TRHDE: variants seen among roughly 807,000 people sequenced by gnomAD.
TRHDE encodes the protein thyrotropin-releasing hormone-degrading ectoenzyme.
In TRHDE, 72 loss-of-function variants were observed where a neutral mutation model predicts 125.7. The ratio of observed to expected loss-of-function variants is 0.57; its 90% CI spans 0.47 to 0.70. The LOEUF is 0.70. TRHDE is among the 30% of genes least tolerant of loss of function. The pLI, the probability that TRHDE is intolerant of heterozygous loss-of-function variation, is 0.00. For missense variants in TRHDE, 1,110 were observed against 1,327.1 expected (o/e 0.84, Z 2.54); for synonymous variants, 509 against 509.1 (o/e 1.00, Z 0.00).
chr12:72,606,973 C>T (rs534257781), intron 12 of TRHDE, among the ~76,000 whole-genome samples: 12 of 152,166 alleles, frequency 7.9e-5, no homozygotes, highest in East Asian at 5.8e-4. Flanking sequence ...ATCCAGGAAG[C>T]GTTCAAATTT....
intron 2 of TRHDE, among the ~76,000 whole-genome samples, chr12:72,198,913 G>T (rs1342927874): frequency 6.6e-6 from 1 of 151,676 alleles, no homozygotes; most frequent in South Asian, 2.1e-4. Flanking sequence ...GAGCAGGCAC[G>T]TCTTACCATG....
intron 10 of TRHDE, among the ~76,000 whole-genome samples, chr12:72,571,850 C>G (rs1870747539): frequency 6.6e-6 from 1 of 151,892 alleles, no homozygotes; most frequent in South Asian, 2.1e-4. Context: ...TATTTTGTCC[C>G]CATTTTACAA....
intron 7 of TRHDE, among the ~76,000 whole-genome samples, chr12:72,557,307 C>T (rs188569012): frequency 2.6e-5 from 4 of 152,224 alleles, no homozygotes; most frequent in Admixed American, 1.3e-4. Context: ...TAGCCATGAA[C>T]CTGAGAAGCC....
chr12:72,227,568 C>T lies in TRHDE; in HGVS notation n.279+121816C>T, dbSNP rs1878159189. On this transcript the variant is annotated intron_variant and non_coding_transcript_variant, in intron 2 of 4. Transcript: ENST00000548156. ...AACAATATCGTTCTGCCCCAGGCCC[C>T]TCCCAAACCTCATGTCCTCACATTT... is the stretch of plus-strand genomic sequence containing the variant. Among the ~76,000 whole-genome samples the T allele has an allele frequency of 3.3e-5, 5 of 152,258 alleles. No individual in the cohort carries two copies. The South Asian group carries it at 1.0e-3, about 32-fold the overall frequency.
At chr12:72,516,359 C>G (rs554638954) in intron 6 of TRHDE, among the ~76,000 whole-genome samples, 26 of 152,316 alleles carry the variant, frequency 1.7e-4, no homozygotes, top group African/African-American at 5.1e-4. Context: ...AGGTCCTTCA[C>G]ATCCCTTGTA....
chr12:72,524,958 G>A (rs1023550683), intron 6 of TRHDE, among the ~76,000 whole-genome samples: 4 of 152,116 alleles, frequency 2.6e-5, no homozygotes, highest in African/African-American at 9.7e-5. Context: ...CATGTGGAAA[G>A]TATGCCTGAA....
At chr12:72,328,120 C>T (rs1405126509) in intron 2 of TRHDE, among the ~76,000 whole-genome samples, 1 of 152,060 alleles carries the variant, frequency 6.6e-6, no homozygotes, top group African/African-American at 2.4e-5. Flanking sequence ...TCCATCAAAG[C>T]CAAAATATTC....
intron 6 of TRHDE, among the ~76,000 whole-genome samples, chr12:72,528,153 A>C (rs974382163): frequency 6.6e-6 from 1 of 152,206 alleles, no homozygotes; most frequent in East Asian, 1.9e-4. Flanking sequence ...TTCAAAATGT[A>C]CCTAAAATCT....
chr12:72,284,594 A>G (rs1879812152), intron 1 of TRHDE, among the ~76,000 whole-genome samples: 1 of 152,214 alleles, frequency 6.6e-6, no homozygotes, highest in Admixed American at 6.5e-5. Context: ...GGGAAAGAAG[A>G]ATCTTTGTTA....
At chr12:72,183,205 T>C (rs1345695296) in intron 2 of TRHDE, among the ~76,000 whole-genome samples, 1 of 152,240 alleles carries the variant, frequency 6.6e-6, no homozygotes, top group East Asian at 1.9e-4. Context: ...AACTTTATTA[T>C]GTGCTCAACA....
At chr12:72,372,864 G>A (rs1057020077) in intron 2 of TRHDE, among the ~76,000 whole-genome samples, 98 of 152,278 alleles carry the variant, frequency 6.4e-4, no homozygotes, top group African/African-American at 2.3e-3. Context: ...GATTGACTTG[G>A]CGATGTGGGC....
At chr12:72,128,578 A>T (rs555541304) in intron 2 of TRHDE, among the ~76,000 whole-genome samples, 25 of 152,312 alleles carry the variant, frequency 1.6e-4, no homozygotes, top group African/African-American at 5.5e-4. Flanking sequence ...TATAAATAAT[A>T]TTTTTTAAAA....
intron 6 of TRHDE, among the ~76,000 whole-genome samples, chr12:72,538,058 C>A (rs969834167): frequency 6.6e-6 from 1 of 151,956 alleles, no homozygotes; most frequent in Non-Finnish European, 1.5e-5. Flanking sequence ...ATAATGATTT[C>A]TTGATTGACT....
chr12:72,572,738 G>T (rs1297618674), intron 10 of TRHDE, among the ~76,000 whole-genome samples: 1 of 151,912 alleles, frequency 6.6e-6, no homozygotes, highest in Non-Finnish European at 1.5e-5. Flanking sequence ...GGTGTAGAAG[G>T]TACAGCAATT....
intron 17 of TRHDE, among the ~76,000 whole-genome samples, chr12:72,654,184 C>T (rs1389888298): frequency 6.6e-6 from 1 of 152,096 alleles, no homozygotes; most frequent in Non-Finnish European, 1.5e-5. Flanking sequence ...TCTACCAATA[C>T]ACAGTTTCTT....
chr12:72,492,838 G>T (rs1877743521), intron 5 of TRHDE, among the ~76,000 whole-genome samples: 1 of 151,712 alleles, frequency 6.6e-6, no homozygotes, highest in African/African-American at 2.4e-5. Flanking sequence ...TCTCTTTATG[G>T]TAGCTCAAGT....
In TRHDE at chr12:72,183,909, T is replaced by C. The variant is rs1379411606; in HGVS notation, n.279+78157T>C. On this transcript the variant is annotated intron_variant and non_coding_transcript_variant, in intron 2 of 4. Transcript: ENST00000548156. Reference sequence around the variant, plus strand: ...ATATATATTTCTTTGTAAAGTGATGTTATAGTAGATGGTACTTTTAAAATC... The same window carrying C: ...ATATATATTTCTTTGTAAAGTGATGCTATAGTAGATGGTACTTTTAAAATC... Among the ~76,000 whole-genome samples the C allele has an allele frequency of 3.3e-5, 5 of 152,350 alleles. No individual in the cohort carries two copies. In the East Asian group the frequency reaches 9.6e-4, roughly 29 times the overall value.
intron 3 of TRHDE, among the ~76,000 whole-genome samples, chr12:72,386,616 T>G (rs1324036479): frequency 6.6e-6 from 1 of 152,150 alleles, no homozygotes; most frequent in African/African-American, 2.4e-5. Context: ...TTTTTCTCCT[T>G]CCTTTTACAG....
Position 72,545,601 on chromosome 12 carries a change from A to G in TRHDE, c.1788+3245A>G, listed in dbSNP as rs556148818. ...ACTCCCTTTTTTTGAATCTTTAATCATTTGAATATTTAGACTGTATTATAT... is the reference window on the plus strand; with the variant it reads ...ACTCCCTTTTTTTGAATCTTTAATCGTTTGAATATTTAGACTGTATTATAT... On this transcript the variant is annotated intron_variant, in intron 7 of 18. Transcript: ENST00000261180. 1.9e-4 allele frequency among the ~76,000 whole-genome samples: 29 copies of G among 151,686 alleles called. No homozygotes were observed. The South Asian group carries it at 5.2e-3, about 27-fold the overall frequency.
Sources: allele counts gnomAD v4.1 joint callset (sites outside exome capture counted in the v4.1 genomes callset), GRCh38; gene constraint gnomAD v4.1.1; transcripts MANE v1.5; gene names NCBI Gene and HGNC (gene_info 2026-07-23, HGNC 2026-07-21).